ZFHX3: variants seen among roughly 807,000 people sequenced by gnomAD.
ZFHX3 encodes the protein zinc finger homeobox 3, also known as zinc finger homeobox protein 3.
In ZFHX3, 42 loss-of-function variants were observed where a neutral mutation model predicts 279.1. The observed-to-expected ratio is 0.15, with a 90% CI of 0.12 to 0.19. The LOEUF is 0.19. Ranked by LOEUF, ZFHX3 falls within the 10% of genes least tolerant of loss-of-function variation. ZFHX3 has a pLI of 1.00. For synonymous variants in ZFHX3, 2,293 were observed against 1,957.8 expected (o/e 1.17, Z -4.52); for missense variants, 4,981 against 4,754.0 (o/e 1.05, Z -1.40).
intron 1 of ZFHX3, among the ~76,000 whole-genome samples, chr16:73,878,996 C>T (rs1181993401): frequency 1.4e-4 from 21 of 148,774 alleles, no homozygotes; most frequent in Non-Finnish European, 2.5e-4. Context: ...TATTATAGAT[C>T]ATTATGTTCT....
In ZFHX3 at chr16:73,685,393, G is replaced by GCAGCC. The variant is rs2053072109; in HGVS notation, c.-1607-5154_-1607-5153insGGCTG. ...TTGGAATCATGATGAAGATAGACAG[G>GCAGCC]TTATTACTGGCTTTGAAGACTGAAG... On this transcript the variant is annotated intron_variant, in intron 1 of 17. Transcript: ENST00000641206. Among the ~76,000 whole-genome samples, 5 of 152,210 alleles carry GCAGCC rather than the reference G, an allele frequency of 3.3e-5. No individual in the cohort carries two copies. The South Asian group carries it at 1.0e-3, about 32-fold the overall frequency.
Position 72,793,560 on chromosome 16 carries a change from T to C in ZFHX3, c.9122A>G (p.Asp3041Gly). 1 of 1,614,192 alleles carries C rather than the reference T, an allele frequency of 6.2e-7. No individual in the cohort carries two copies. Among genetic ancestry groups the C allele is most frequent in the Non-Finnish European group, 8.5e-7 (1 of 1,180,038 alleles). ...GATATGCTGTTGGGAAAAGATATGGTCACGTACAGACAGCCGAGCGCTGTA... is the reference window on the plus strand; with the variant it reads ...GATATGCTGTTGGGAAAAGATATGGCCACGTACAGACAGCCGAGCGCTGTA... ...IKYSARLSVR[D>G]HIFSQQHISK... The change falls in exon 9 of 10, where the codon GAC (aspartate) becomes GGC (glycine). Residue 3041 changes from aspartate to glycine, a missense_variant. This residue lies in a region of ZFHX3 where 168 missense variants were observed against 249.1 expected (regional missense o/e 0.67). Transcript: ENST00000268489. The surrounding 1 kb of genome is among the most constrained non-coding windows in gnomAD (Gnocchi z 4.3).
intron 1 of ZFHX3, chr16:73,015,716 G>A (rs1033446265): frequency 1.2e-4 from 18 of 152,210 alleles, no homozygotes; most frequent in African/African-American, 4.1e-4. Context: ...TGCACGCTGG[G>A]CTCCTGAAGA....
intron 6 of ZFHX3, among the ~76,000 whole-genome samples, chr16:73,138,600 G>A (rs1420013853): frequency 6.6e-6 from 1 of 152,166 alleles, no homozygotes; most frequent in Non-Finnish European, 1.5e-5. Context: ...CCATGGATGA[G>A]TGGATGTCTT....
intron 2 of ZFHX3, among the ~76,000 whole-genome samples, chr16:73,662,237 A>T (rs1300218026): frequency 6.6e-6 from 1 of 152,210 alleles, no homozygotes; most frequent in African/African-American, 2.4e-5. Context: ...ATAACCAATT[A>T]TTAGCACTTT....
intron 1 of ZFHX3, among the ~76,000 whole-genome samples, chr16:73,728,015 G>GCCCCCCCCCCCACC (rs3049673): frequency 1.3e-5 from 1 of 75,426 alleles, no homozygotes. Context: ...GCCGAATTGT[G>GCCCCCCCCCCCACC]CCCCCCCCCC....
rs139821312 is a variant in ZFHX3 at position 72,794,562 on chromosome 16, G to A, written c.8120C>T (p.Ala2707Val). 72 of 1,614,066 alleles carry A rather than the reference G, an allele frequency of 4.5e-5. No individual in the cohort carries two copies. Among genetic ancestry groups the A allele is most frequent in the Admixed American group, 3.3e-4 (20 of 60,012 alleles). The change falls in exon 9 of 10, where the codon GCG becomes GTG. Residue 2707 changes from alanine (A) to valine (V), a missense_variant. Around this residue, in one of 7 missense-constraint regions of ZFHX3, gnomAD observed 744 missense variants for 701.3 expected, o/e 1.06. Coordinates refer to ENST00000268489, the MANE Select transcript of ZFHX3 (RefSeq NM_006885.4). The surrounding 1 kb of genome is among the most constrained non-coding windows in gnomAD (Gnocchi z 4.2). ...RKGQFRAVGP[A>V]QAHRRCPFCR... The stretch of plus-strand genomic sequence containing the variant: ...AAAAGGGCATCTCCTGTGGGCCTGC[G>A]CTGGGCCTACAGCCCGGAACTGTCC...
intron 4 of ZFHX3, among the ~76,000 whole-genome samples, chr16:72,875,506 G>A (rs983588786): frequency 2.6e-5 from 4 of 152,214 alleles, no homozygotes; most frequent in Non-Finnish European, 5.9e-5. Context: ...TTGCTCACAC[G>A]GCTAAGTTGA....
chr16:73,016,545 C>T (rs946283281), intron 1 of ZFHX3, among the ~76,000 whole-genome samples: 3 of 152,108 alleles, frequency 2.0e-5, no homozygotes, highest in Non-Finnish European at 4.4e-5. Flanking sequence ...TGCTACTTGA[C>T]CCATTTCTCT....
At chr16:73,208,665 A>T (rs187345441) in intron 5 of ZFHX3, among the ~76,000 whole-genome samples, 1 of 152,342 alleles carries the variant, frequency 6.6e-6, no homozygotes, top group Non-Finnish European at 1.5e-5. Context: ...ACAGACTGAA[A>T]GTAATACACT....
Position 73,664,531 on chromosome 16 carries a change from C to G in ZFHX3, c.-1547+15649G>C, listed in dbSNP as rs13337198. On this transcript the variant is annotated intron_variant, in intron 2 of 17. Transcript: ENST00000641206. The stretch of plus-strand genomic sequence containing the variant: ...TTGCAAGTGATTTAAAAAAATCAAT[C>G]CATATCCACAAATAGTCACCAATAT... 2.3e-3 allele frequency among the ~76,000 whole-genome samples: 356 copies of G among 152,276 alleles called. 2 individuals are homozygous for G. The highest frequency in any genetic ancestry group is 8.0e-3 in the African/African-American group (334 of 41,542).
rs145361431 is a variant in ZFHX3 at position 72,796,972 on chromosome 16, C to A, written c.5710G>T (p.Gly1904Cys). ...GCATCTGGCAGTGTTTCCTTCGGAC[C>A]GGTGTTGCCCTCTCCCCCCTCGGCG... ...DSAEGGEGNT[G>C]PKETLPDALK... The change falls in exon 9 of 10, where the codon GGT (glycine) becomes TGT (cysteine). Residue 1904 changes from glycine to cysteine, a missense_variant. Physicochemically the swap from Gly to Cys is radical, Grantham distance 159 (BLOSUM62 -3). This residue lies in a region of ZFHX3 where 1,751 missense variants were observed against 1,770.0 expected (regional missense o/e 0.99). Coordinates refer to ENST00000268489, the MANE Select transcript of ZFHX3 (RefSeq NM_006885.4). The A allele has an allele frequency of 6.2e-7, 1 of 1,613,986 alleles. No individual in the cohort carries two copies. Among genetic ancestry groups the A allele is most frequent in the South Asian group, 1.1e-5 (1 of 91,084 alleles).
chr16:73,668,408 A>G (rs1415850785), intron 2 of ZFHX3, among the ~76,000 whole-genome samples: 1 of 152,072 alleles, frequency 6.6e-6, no homozygotes, highest in Admixed American at 6.5e-5. Flanking sequence ...TGCACCCATC[A>G]ACCCATCATC....
chr16:73,115,828 G>T (rs888627929), intron 7 of ZFHX3, among the ~76,000 whole-genome samples: 1 of 151,860 alleles, frequency 6.6e-6, no homozygotes, highest in Non-Finnish European at 1.5e-5. Flanking sequence ...GGTTCTAAAA[G>T]GTTGCTCTGG....
At chr16:73,279,799 G>A (rs1272434540) in intron 4 of ZFHX3, among the ~76,000 whole-genome samples, 1 of 152,164 alleles carries the variant, frequency 6.6e-6, no homozygotes, top group Non-Finnish European at 1.5e-5. Context: ...TCTTGCAACT[G>A]AGCAAATGAA....
At chr16:73,836,580 G>T (rs2142364068) in intron 1 of ZFHX3, among the ~76,000 whole-genome samples, 1 of 152,276 alleles carries the variant, frequency 6.6e-6, no homozygotes, top group African/African-American at 2.4e-5. Context: ...GGATCATATT[G>T]CCCCATCTAC....
chr16:73,752,200 G>A (rs558544946), intron 1 of ZFHX3, among the ~76,000 whole-genome samples: 1 of 152,188 alleles, frequency 6.6e-6, no homozygotes, highest in East Asian at 1.9e-4. Context: ...CCAGGTAAAT[G>A]TCTTGAGCTT....
intron 8 of ZFHX3, among the ~76,000 whole-genome samples, chr16:73,066,582 C>A (rs1965757040): frequency 3.3e-5 from 5 of 152,166 alleles, no homozygotes; most frequent in African/African-American, 9.6e-5. Context: ...CCCAACGGCC[C>A]CTCGGATGGG....
intron 5 of ZFHX3, among the ~76,000 whole-genome samples, chr16:73,173,263 T>G (rs1967582205): frequency 6.6e-6 from 1 of 152,130 alleles, no homozygotes; most frequent in African/African-American, 2.4e-5. Context: ...TACCTCACAC[T>G]GAAGGACTTT....
Sources: allele counts gnomAD v4.1 joint callset (sites outside exome capture counted in the v4.1 genomes callset), GRCh38; gene constraint gnomAD v4.1.1; regional missense constraint gnomAD v4.1.1; non-coding constraint Gnocchi (gnomAD v3.1); transcripts MANE v1.5; gene names NCBI Gene and HGNC (gene_info 2026-07-23, HGNC 2026-07-21).